The following CRYL1 variants were observed in gnomAD, a reference collection of about 807,000 sequenced individuals.
The protein encoded by CRYL1 is lambda-crystallin homolog.
Under a neutral mutation model 36.6 loss-of-function variants are expected in CRYL1, and 29 were observed. The ratio of observed to expected loss-of-function variants is 0.79; its 90% CI spans 0.59 to 1.08. CRYL1 has a LOEUF of 1.08. Among genes scored for constraint, CRYL1 ranks in the 50% least tolerant of loss-of-function variants. The probability of loss-of-function intolerance (pLI) is 0.00; values close to 1 mark genes in which losing one functional copy is unlikely to be tolerated. For missense variants in CRYL1, 411 were observed against 407.9 expected (o/e 1.01, Z -0.06); for synonymous variants, 152 against 151.5 (o/e 1.00, Z -0.02).
intron 6 of CRYL1, among the ~76,000 whole-genome samples, chr13:20,405,582 T>C (rs114018373): frequency 0.011 from 1,621 of 152,346 alleles, 35 homozygotes; most frequent in African/African-American, 0.036. Flanking sequence ...GAAACACCGG[T>C]TGGAGAGCTC....
chr13:20,439,765 C>T lies in CRYL1; in HGVS notation c.277-11G>A. On this transcript the variant is annotated splice_polypyrimidine_tract_variant and intron_variant, in intron 3 of 7. Coordinates refer to ENST00000298248, the MANE Select transcript of CRYL1 (RefSeq NM_015974.3). ...TTCTGGAACACATTCCTGAAAAGGA[C>T]ACGTTTAAATGACTATTCATGACCA... 6.2e-7 allele frequency: 1 copy of T among 1,613,496 alleles called. No homozygotes were observed. Among genetic ancestry groups the T allele is most frequent in the Non-Finnish European group, 8.5e-7 (1 of 1,179,576 alleles).
At chr13:20,417,234 G>A (rs2031691358) in intron 5 of CRYL1, among the ~76,000 whole-genome samples, 1 of 152,178 alleles carries the variant, frequency 6.6e-6, no homozygotes, top group Non-Finnish European at 1.5e-5. Context: ...TTTTGCCACT[G>A]AGCTTAATTC....
intron 4 of CRYL1, 49 bp downstream of exon 4, chr13:20,439,544 C>CAAAAAAAA: frequency 1.8e-6 from 1 of 561,762 alleles, no homozygotes; most frequent in Non-Finnish European, 2.5e-6. Flanking sequence ...AAAAAAAAAA[C>CAAAAAAAA]ACAGAATGAG....
At chr13:20,426,998 C>T (rs1375384128) in intron 5 of CRYL1, 2 of 985,488 alleles carry the variant, frequency 2.0e-6, no homozygotes, top group Non-Finnish European at 1.2e-6. Context: ...CACCAGCAGG[C>T]TGAGAACCTG....
chr13:20,458,679 A>T (rs2032737880), intron 3 of CRYL1, among the ~76,000 whole-genome samples: 1 of 152,200 alleles, frequency 6.6e-6, no homozygotes, highest in Non-Finnish European at 1.5e-5. Flanking sequence ...ACACCTGACA[A>T]CACATCTCAG....
At chr13:20,412,525 A>C (rs1458704824) in intron 6 of CRYL1, among the ~76,000 whole-genome samples, 1 of 152,166 alleles carries the variant, frequency 6.6e-6, no homozygotes, top group South Asian at 2.1e-4. Context: ...TCTAGGTTAC[A>C]TCTCTCTCCA....
intron 3 of CRYL1, among the ~76,000 whole-genome samples, chr13:20,477,798 AT>A (rs1374502797): frequency 2.1e-5 from 3 of 145,764 alleles, no homozygotes; most frequent in Non-Finnish European, 4.5e-5. Context: ...ATAATATTCC[AT>A]TATGTATTCT....
intron 5 of CRYL1, among the ~76,000 whole-genome samples, chr13:20,414,995 G>A (rs1028603358): frequency 5.3e-5 from 8 of 152,220 alleles, no homozygotes; most frequent in African/African-American, 1.9e-4. Flanking sequence ...GTAGGACTGA[G>A]GCAGTAGCGC....
chr13:20,441,171 C>A (rs1215034918), intron 3 of CRYL1, among the ~76,000 whole-genome samples: 1 of 152,170 alleles, frequency 6.6e-6, no homozygotes, highest in African/African-American at 2.4e-5. Context: ...TCCCAACGTT[C>A]CCCAGTGACT....
chr13:20,467,026 G>C (rs7321749), intron 3 of CRYL1, among the ~76,000 whole-genome samples: 145,661 of 151,550 alleles, frequency 0.96, 70,352 homozygotes, highest in East Asian at 1. Flanking sequence ...TGGCTCACTG[G>C]AAGCTCTGCC....
chr13:20,507,736 G>A (rs1015605257), intron 2 of CRYL1, among the ~76,000 whole-genome samples: 9 of 152,114 alleles, frequency 5.9e-5, no homozygotes, highest in South Asian at 2.1e-4. Flanking sequence ...GGCTAACACA[G>A]TGAAACCCCG....
At chr13:20,410,847 AG>A (rs2031503209) in intron 6 of CRYL1, among the ~76,000 whole-genome samples, 1 of 152,158 alleles carries the variant, frequency 6.6e-6, no homozygotes, top group African/African-American at 2.4e-5. Flanking sequence ...CATTTGCCCA[AG>A]GTTATACAGC....
At chr13:20,438,048 A>C (rs2032271496) in intron 4 of CRYL1, among the ~76,000 whole-genome samples, 1 of 152,186 alleles carries the variant, frequency 6.6e-6, no homozygotes, top group South Asian at 2.1e-4. Flanking sequence ...CGTAATGCTA[A>C]TCTCACTCGT....
chr13:20,416,587 C>G (rs540648319), intron 5 of CRYL1, among the ~76,000 whole-genome samples: 1 of 152,328 alleles, frequency 6.6e-6, no homozygotes, highest in South Asian at 2.1e-4. Context: ...GCCAACATTC[C>G]AAACAGCCCC....
chr13:20,483,802 A>G (rs1412178026), intron 3 of CRYL1, among the ~76,000 whole-genome samples: 1 of 151,290 alleles, frequency 6.6e-6, no homozygotes, highest in Non-Finnish European at 1.5e-5. Context: ...TGGCCTCCCC[A>G]TGTTCTGGGA....
At chr13:20,456,609 C>CAA (rs2032691530) in intron 3 of CRYL1, among the ~76,000 whole-genome samples, 1 of 39,664 alleles carries the variant, frequency 2.5e-5, no homozygotes. Context: ...TCTTAAAACA[C>CAA]ACACACACAC....
At chr13:20,523,538 G>A (rs1199863551) in intron 1 of CRYL1, among the ~76,000 whole-genome samples, 1 of 152,130 alleles carries the variant, frequency 6.6e-6, no homozygotes, top group Non-Finnish European at 1.5e-5. Context: ...ACTGAACCAG[G>A]TTTTGGCAAA....
At chr13:20,502,832 G>A (rs988611697) in intron 2 of CRYL1, among the ~76,000 whole-genome samples, 1 of 152,154 alleles carries the variant, frequency 6.6e-6, no homozygotes. Flanking sequence ...TTGGTTTCCT[G>A]TTCACCTTGT....
intron 4 of CRYL1, among the ~76,000 whole-genome samples, chr13:20,438,106 T>C (rs1441543722): frequency 6.6e-6 from 1 of 152,172 alleles, no homozygotes; most frequent in East Asian, 1.9e-4. Context: ...TTTTTATGCA[T>C]CTCAGCCTCC....
Sources: allele counts gnomAD v4.1 joint callset (sites outside exome capture counted in the v4.1 genomes callset), GRCh38; gene constraint gnomAD v4.1.1; transcripts MANE v1.5; gene names NCBI Gene and HGNC (gene_info 2026-07-23, HGNC 2026-07-21).